Variants in RBFOX1 observed in about 807,000 individuals in gnomAD.
RBFOX1 encodes the protein RNA binding fox-1 homolog 1.
Under a neutral mutation model 57.7 loss-of-function variants are expected in RBFOX1, and 8 were observed. That is an observed-to-expected ratio of 0.14 (90% CI 0.08 to 0.25). The LOEUF is 0.25. RBFOX1 is among the 10% of genes least tolerant of loss of function. The pLI is 1.00. For synonymous variants in RBFOX1, 326 were observed against 222.4 expected (o/e 1.47, Z -4.15); for missense variants, 611 against 548.5 (o/e 1.11, Z -1.14).
At chr16:7,410,661 G>C (rs916025650) in intron 4 of RBFOX1, among the ~76,000 whole-genome samples, 107 of 151,024 alleles carry the variant, frequency 7.1e-4, no homozygotes, top group Non-Finnish European at 1.5e-4. Flanking sequence ...TGGACAACAA[G>C]AGCAAAACTC....
chr16:5,848,381 C>T (rs1191484491), intron 3 of RBFOX1, among the ~76,000 whole-genome samples: 3 of 152,084 alleles, frequency 2.0e-5, no homozygotes, highest in Non-Finnish European at 2.9e-5. Flanking sequence ...GGGTGCCTTC[C>T]CCACTGAGGT....
intron 2 of RBFOX1, among the ~76,000 whole-genome samples, chr16:5,561,357 G>A (rs1466029987): frequency 6.6e-6 from 1 of 152,040 alleles, no homozygotes; most frequent in African/African-American, 2.4e-5. Flanking sequence ...GGCTAAAAAG[G>A]GGACCTATAG....
chr16:6,808,180 A>G (rs9940172), intron 3 of RBFOX1, among the ~76,000 whole-genome samples: 61,062 of 124,244 alleles, frequency 0.49, 14,553 homozygotes, highest in Non-Finnish European at 0.54. Flanking sequence ...GTGTGTGTGT[A>G]TATATATATA....
At chr16:6,498,506 A>G (rs1007439654) in intron 2 of RBFOX1, among the ~76,000 whole-genome samples, 1 of 152,150 alleles carries the variant, frequency 6.6e-6, no homozygotes, top group East Asian at 1.9e-4. Flanking sequence ...TGGTTCAGCA[A>G]TCAGGCCCTT....
chr16:6,611,755 G>A (rs2098059021), intron 2 of RBFOX1, among the ~76,000 whole-genome samples: 1 of 152,138 alleles, frequency 6.6e-6, no homozygotes. Flanking sequence ...GAATGCAGGA[G>A]AAGCCAGAAC....
chr16:6,782,262 C>T (rs572189313), intron 3 of RBFOX1, among the ~76,000 whole-genome samples: 61 of 152,262 alleles, frequency 4.0e-4, no homozygotes, highest in African/African-American at 1.4e-3. Context: ...ACCTCGGGCT[C>T]CCAAAGTGTT....
rs184827589 is a variant in RBFOX1, at chr16:5,993,027, C to G, written c.351+125692C>G. 3.9e-5 allele frequency among the ~76,000 whole-genome samples: 6 copies of G among 152,276 alleles called. No homozygotes were observed. In the East Asian group the frequency reaches 1.2e-3, roughly 29 times the overall value. Reference sequence around the variant, plus strand: ...ACATGGCAGCTCCAGGCTGGGGGACCCTGGGCTTGAGCCTGATCTTTCTCT... The same window carrying G: ...ACATGGCAGCTCCAGGCTGGGGGACGCTGGGCTTGAGCCTGATCTTTCTCT... On this transcript the variant is annotated intron_variant, in intron 4 of 19. Transcript: ENST00000641259.
intron 4 of RBFOX1, among the ~76,000 whole-genome samples, chr16:7,203,527 A>G (rs937015586): frequency 3.3e-5 from 5 of 152,210 alleles, no homozygotes; most frequent in Non-Finnish European, 7.3e-5. Flanking sequence ...AATGGTTAAG[A>G]TAGTAACTTT....
intron 3 of RBFOX1, among the ~76,000 whole-genome samples, chr16:6,857,625 T>G (rs952111382): frequency 6.6e-6 from 1 of 152,190 alleles, no homozygotes; most frequent in Non-Finnish European, 1.5e-5. Context: ...TTATTTTCAG[T>G]GTTAAACTGT....
At chr16:7,600,927 C>T (rs1426614719) in intron 9 of RBFOX1, among the ~76,000 whole-genome samples, 1 of 152,194 alleles carries the variant, frequency 6.6e-6, no homozygotes, top group Non-Finnish European at 1.5e-5. Context: ...AAAAGTTCCA[C>T]AAAGAGGGGA....
chr16:6,702,647 C>A (rs1193324572), intron 3 of RBFOX1, among the ~76,000 whole-genome samples: 1 of 152,114 alleles, frequency 6.6e-6, no homozygotes, highest in Non-Finnish European at 1.5e-5. Flanking sequence ...TTCTAAGATA[C>A]CCAGCCCAGT....
chr16:7,540,677 G>A (rs17144031), intron 5 of RBFOX1, among the ~76,000 whole-genome samples: 19,138 of 152,094 alleles, frequency 0.13, 1,274 homozygotes, highest in African/African-American at 0.18. Context: ...AGGCTTAACC[G>A]TTAGTACTTC....
At chr16:6,131,899 A>G (rs1027717293) in intron 1 of RBFOX1, among the ~76,000 whole-genome samples, 1 of 152,214 alleles carries the variant, frequency 6.6e-6, no homozygotes, top group Admixed American at 6.5e-5. Flanking sequence ...GATGAAGGAA[A>G]AATTCACAAA....
Position 7,635,517 on chromosome 16 carries a change from T to G in RBFOX1, c.757+4834T>G, listed in dbSNP as rs189333993. Among the ~76,000 whole-genome samples the G allele has an allele frequency of 2.0e-5, 3 of 152,214 alleles. 1 individual carries two copies. The highest frequency in any genetic ancestry group is 7.2e-5 in the African/African-American group (3 of 41,544). ...AAAAGTGTGTGGACGCCCAGTATCT[T>G]TCTACATTTTCTCCGTGGTTATTCA... On this transcript the variant is annotated intron_variant, in intron 11 of 15. Coordinates refer to ENST00000550418, the MANE Select transcript of RBFOX1 (RefSeq NM_018723.4).
intron 2 of RBFOX1, among the ~76,000 whole-genome samples, chr16:6,336,175 ATATATATTTTTTTTTTTTTTTTTTT>A (rs1397394382): frequency 3.2e-5 from 1 of 31,482 alleles, no homozygotes; most frequent in African/African-American, 9.2e-5. Flanking sequence ...ATATATATAT[ATATATATTTTTTTTTTTTTTTTTTT>A]TTTTTTTTTT....
At chr16:6,389,169 G>A (rs2092463272) in intron 2 of RBFOX1, among the ~76,000 whole-genome samples, 1 of 152,152 alleles carries the variant, frequency 6.6e-6, no homozygotes, top group Admixed American at 6.5e-5. Flanking sequence ...CTCAGATGAT[G>A]CATGCTGCAG....
chr16:7,665,425 C>G (rs1234741434), intron 13 of RBFOX1, among the ~76,000 whole-genome samples: 1 of 152,206 alleles, frequency 6.6e-6, no homozygotes, highest in African/African-American at 2.4e-5. Flanking sequence ...CACTCTTTCT[C>G]TCTCTAGACA....
intron 3 of RBFOX1, among the ~76,000 whole-genome samples, chr16:6,764,758 G>A (rs1266752336): frequency 1.3e-5 from 2 of 152,078 alleles, no homozygotes; most frequent in African/African-American, 4.8e-5. Context: ...CCAACATGGT[G>A]AAACCCTGTC....
chr16:6,966,785 ATCTATCTGTCTGTCTGTCTG>A (rs1298347523), intron 3 of RBFOX1, among the ~76,000 whole-genome samples: 6 of 53,990 alleles, frequency 1.1e-4, no homozygotes, highest in African/African-American at 3.2e-4. Context: ...CTATCTATCT[ATCTATCTGTCTGTCTGTCTG>A]TCTGTCTGTC....
Sources: allele counts gnomAD v4.1 joint callset (sites outside exome capture counted in the v4.1 genomes callset), GRCh38; gene constraint gnomAD v4.1.1; transcripts MANE v1.5; gene names NCBI Gene and HGNC (gene_info 2026-07-23, HGNC 2026-07-21).